CSMD1: variants seen among roughly 807,000 people sequenced by gnomAD.
The protein encoded by CSMD1 is CUB and sushi domain-containing protein 1.
Under a neutral mutation model 417.5 loss-of-function variants are expected in CSMD1, and 213 were observed. The observed-to-expected ratio is 0.51, with a 90% confidence interval of 0.46 to 0.57. CSMD1 has a LOEUF of 0.57. Among genes scored for constraint, CSMD1 ranks in the 20% least tolerant of loss-of-function variants. The pLI is 0.00. For missense variants in CSMD1, 6,923 were observed against 4,529.7 expected (o/e 1.53, Z -15.17); for synonymous variants, 2,862 against 1,736.8 (o/e 1.65, Z -16.11).
chr8:4,158,279 A>T (rs1335105556), intron 3 of CSMD1, among the ~76,000 whole-genome samples: 2 of 152,016 alleles, frequency 1.3e-5, no homozygotes, highest in African/African-American at 2.4e-5. Flanking sequence ...GGGAAGACTA[A>T]ACAACAGAAG....
At chr8:3,241,078 A>G (rs1563175723) in intron 26 of CSMD1, among the ~76,000 whole-genome samples, 1 of 150,762 alleles carries the variant, frequency 6.6e-6, no homozygotes, top group Non-Finnish European at 1.5e-5. Flanking sequence ...AGGGGATACA[A>G]GAGGAGGACG....
intron 10 of CSMD1, among the ~76,000 whole-genome samples, chr8:3,517,586 C>G (rs1006096369): frequency 1.3e-5 from 2 of 152,150 alleles, no homozygotes; most frequent in South Asian, 2.1e-4. Context: ...CTCTGCAATA[C>G]CAAATACAGG....
intron 26 of CSMD1, among the ~76,000 whole-genome samples, chr8:3,261,463 G>A (rs1244719156): frequency 1.3e-5 from 2 of 152,050 alleles, no homozygotes; most frequent in Non-Finnish European, 2.9e-5. Flanking sequence ...CACCACTGAA[G>A]AACTTACTCG....
At chr8:3,678,911 C>G (rs1227418294) in intron 7 of CSMD1, among the ~76,000 whole-genome samples, 1 of 152,068 alleles carries the variant, frequency 6.6e-6, no homozygotes, top group East Asian at 1.9e-4. Flanking sequence ...CAATTTTCAA[C>G]CCAGAATTTC....
intron 2 of CSMD1, among the ~76,000 whole-genome samples, chr8:4,519,603 G>T (rs1205126860): frequency 2.6e-5 from 4 of 151,136 alleles, no homozygotes; most frequent in Non-Finnish European, 4.4e-5. Flanking sequence ...AGCCCGACAT[G>T]GTTGCAGGTA....
At chr8:3,325,100 T>G (rs1806440089) in intron 23 of CSMD1, among the ~76,000 whole-genome samples, 1 of 152,232 alleles carries the variant, frequency 6.6e-6, no homozygotes, top group South Asian at 2.1e-4. Context: ...ATTTTTTCTT[T>G]TAACGACATC....
chr8:4,252,755 T>A (rs559243742), intron 3 of CSMD1, among the ~76,000 whole-genome samples: 3 of 152,368 alleles, frequency 2.0e-5, no homozygotes, highest in African/African-American at 7.2e-5. Context: ...TAGATGGGAC[T>A]GCAGTGGCAG....
intron 5 of CSMD1, among the ~76,000 whole-genome samples, chr8:3,871,254 A>G (rs1054372954): frequency 1.3e-5 from 2 of 152,112 alleles, no homozygotes; most frequent in African/African-American, 4.8e-5. Flanking sequence ...TTAGCACTTA[A>G]TAATGCCAAA....
chr8:3,006,778 T>C (rs1247938194), intron 52 of CSMD1, among the ~76,000 whole-genome samples: 1 of 151,410 alleles, frequency 6.6e-6, no homozygotes, highest in Non-Finnish European at 1.5e-5. Context: ...CAATTCAAGA[T>C]GGATTAAAGA....
At chr8:3,655,729 A>C (rs965045604) in intron 7 of CSMD1, among the ~76,000 whole-genome samples, 3 of 150,890 alleles carry the variant, frequency 2.0e-5, no homozygotes, top group Non-Finnish European at 4.4e-5. Flanking sequence ...TTTATAATTC[A>C]GCACAAACAT....
intron 5 of CSMD1, among the ~76,000 whole-genome samples, chr8:3,811,868 A>T (rs765886743): frequency 6.6e-6 from 1 of 152,176 alleles, no homozygotes; most frequent in Non-Finnish European, 1.5e-5. Flanking sequence ...TACTTAAGCC[A>T]CTATGTGTTG....
At chr8:3,761,933 C>G (rs1798028247) in intron 5 of CSMD1, among the ~76,000 whole-genome samples, 2 of 152,120 alleles carry the variant, frequency 1.3e-5, no homozygotes, top group Admixed American at 6.5e-5. Context: ...TGGGAGCACT[C>G]TCTGAGGCAC....
chr8:3,142,044 G>A (rs943794472), intron 41 of CSMD1, among the ~76,000 whole-genome samples: 3 of 152,008 alleles, frequency 2.0e-5, no homozygotes, highest in East Asian at 1.9e-4. Flanking sequence ...TGATCCGCCC[G>A]CCTCGGCCTT....
At chr8:3,618,883 G>T (rs1221184286) in intron 7 of CSMD1, among the ~76,000 whole-genome samples, 1 of 152,190 alleles carries the variant, frequency 6.6e-6, no homozygotes, top group Non-Finnish European at 1.5e-5. Context: ...GTATGAAGAA[G>T]CAGAGAGAAA....
At chr8:3,729,802 T>G (rs928790494) in intron 6 of CSMD1, among the ~76,000 whole-genome samples, 2 of 151,962 alleles carry the variant, frequency 1.3e-5, no homozygotes, top group Non-Finnish European at 2.9e-5. Flanking sequence ...GACCATGATT[T>G]CTTCATTCTA....
At chr8:3,780,012 A>C (rs1230245181) in intron 5 of CSMD1, among the ~76,000 whole-genome samples, 1 of 152,188 alleles carries the variant, frequency 6.6e-6, no homozygotes, top group African/African-American at 2.4e-5. Flanking sequence ...CTAAATACAA[A>C]CATGTTCCTG....
At chr8:3,499,524 A>C (rs536691354) in intron 10 of CSMD1, among the ~76,000 whole-genome samples, 4 of 152,066 alleles carry the variant, frequency 2.6e-5, no homozygotes, top group Non-Finnish European at 5.9e-5. Flanking sequence ...CACTGCTGGC[A>C]GCAGTACCCA....
At chr8:4,825,256 A>G (rs530128751) in intron 1 of CSMD1, among the ~76,000 whole-genome samples, 3 of 152,262 alleles carry the variant, frequency 2.0e-5, no homozygotes, top group African/African-American at 7.2e-5. Context: ...TGAAATATGC[A>G]TACACCCATG....
At chr8:3,250,046 G>C (rs990110248) in intron 26 of CSMD1, among the ~76,000 whole-genome samples, 1 of 152,168 alleles carries the variant, frequency 6.6e-6, no homozygotes, top group African/African-American at 2.4e-5. Context: ...ATGTGACCAA[G>C]TACATATTTT....
Sources: allele counts gnomAD v4.1 joint callset (sites outside exome capture counted in the v4.1 genomes callset), GRCh38; gene constraint gnomAD v4.1.1; transcripts MANE v1.5; gene names NCBI Gene and HGNC (gene_info 2026-07-23, HGNC 2026-07-21).